IL5RA: variants seen among roughly 807,000 people sequenced by gnomAD.
The protein encoded by IL5RA is interleukin 5 receptor subunit alpha.
IL5RA carries 49 observed loss-of-function variants against 50.0 expected under a neutral mutation model. The observed-to-expected ratio is 0.98, with a 90% CI of 0.78 to 1.24. IL5RA has a LOEUF of 1.24. Among genes scored for constraint, IL5RA ranks in the 50% most tolerant of loss-of-function variants. The probability of loss-of-function intolerance (pLI) is 0.00; values close to 1 mark genes in which losing one functional copy is unlikely to be tolerated. For synonymous variants in IL5RA, 202 were observed against 174.0 expected (o/e 1.16, Z -1.26); for missense variants, 600 against 500.4 (o/e 1.20, Z -1.90).
At chr3:3,105,993 G>T (rs529008327) in intron 2 of IL5RA, among the ~76,000 whole-genome samples, 2 of 152,180 alleles carry the variant, frequency 1.3e-5, no homozygotes, top group South Asian at 2.1e-4. Flanking sequence ...CTCTTACCAC[G>T]TGCTCCCCCC....
At chr3:3,089,078 T>A (rs1310758325) in intron 9 of IL5RA, among the ~76,000 whole-genome samples, 6 of 152,000 alleles carry the variant, frequency 3.9e-5, no homozygotes, top group African/African-American at 1.5e-4. Context: ...GGTGGGGGCA[T>A]CAACCTAGGG....
At chr3:3,080,454 T>A (rs1702625361) in intron 9 of IL5RA, among the ~76,000 whole-genome samples, 1 of 152,192 alleles carries the variant, frequency 6.6e-6, no homozygotes, top group South Asian at 2.1e-4. Flanking sequence ...CATAGGAGCT[T>A]CGCTTCACTT....
intron 9 of IL5RA, among the ~76,000 whole-genome samples, chr3:3,084,140 T>C (rs970626575): frequency 6.6e-6 from 1 of 151,976 alleles, no homozygotes; most frequent in African/African-American, 2.4e-5. Flanking sequence ...CCAGCTTCTA[T>C]GTCCTGCATT....
chr3:3,109,832 T>C (rs1704101158), intron 1 of IL5RA, 113 bp downstream of exon 1: 2 of 152,078 alleles, frequency 1.3e-5, no homozygotes, highest in African/African-American at 4.8e-5. Flanking sequence ...CCACCCTGGG[T>C]GTAGTGAAAT....
intron 2 of IL5RA, among the ~76,000 whole-genome samples, chr3:3,107,249 A>AC (rs1491482538): frequency 6.7e-6 from 1 of 148,444 alleles, no homozygotes; most frequent in African/African-American, 2.5e-5. Context: ...AAAGAATGAC[A>AC]TTTTTTTTTT....
intron 9 of IL5RA, among the ~76,000 whole-genome samples, chr3:3,085,238 T>C (rs1480341209): frequency 6.6e-6 from 1 of 152,230 alleles, no homozygotes; most frequent in Non-Finnish European, 1.5e-5. Context: ...AGTGGGTCTT[T>C]CATGTTGTTA....
intron 9 of IL5RA, among the ~76,000 whole-genome samples, chr3:3,077,179 C>T (rs973160414): frequency 2.0e-5 from 3 of 152,190 alleles, no homozygotes; most frequent in Non-Finnish European, 4.4e-5. Flanking sequence ...TCCCATTTTA[C>T]AGACATGAAA....
At chr3:3,086,306 AGAG>A (rs1315004914) in intron 9 of IL5RA, among the ~76,000 whole-genome samples, 1 of 152,230 alleles carries the variant, frequency 6.6e-6, no homozygotes, top group Non-Finnish European at 1.5e-5. Context: ...GGCGGGAAGA[AGAG>A]AAGATGATGG....
intron 8 of IL5RA, among the ~76,000 whole-genome samples, chr3:3,094,602 C>T (rs893384530): frequency 4.6e-5 from 7 of 151,988 alleles, no homozygotes; most frequent in Non-Finnish European, 8.8e-5. Flanking sequence ...TCCTTGCTTT[C>T]GATTCTTTTG....
chr3:3,095,257 C>G (rs1185459210), intron 8 of IL5RA, 42 bp downstream of exon 8: 4 of 1,484,694 alleles, frequency 2.7e-6, no homozygotes, highest in South Asian at 1.2e-5. Context: ...GTTTCTAAAA[C>G]AAATGTCTGT....
At position 3,069,334 on chromosome 3, in the gene IL5RA, G is replaced by A. The variant is rs1702223261; in HGVS notation, c.*891C>T. 1 of 152,216 alleles carries A rather than the reference G, an allele frequency of 6.6e-6. No homozygotes were observed. The highest frequency in any genetic ancestry group is 2.4e-5 in the African/African-American group (1 of 41,442). The allele number at this position is 152,216 out of a possible 1,614,324, so 9.4% of individuals were successfully genotyped here. On this transcript the variant is annotated 3_prime_UTR_variant, in exon 12 of 12. Coordinates refer to ENST00000446632, the MANE Select transcript of IL5RA (RefSeq NM_175726.4). ...GCCTTGTAGAAACTTTTCCAAACTTGAGAGACTAGGATTGATCTGGCATTA... is the reference window on the plus strand; with the variant it reads ...GCCTTGTAGAAACTTTTCCAAACTTAAGAGACTAGGATTGATCTGGCATTA...
In IL5RA at chr3:3,092,249, A is replaced by C. The variant is rs891382646; in HGVS notation, c.969T>G (p.Ser323Arg). The C allele has an allele frequency of 6.2e-7, 1 of 1,613,666 alleles. No individual in the cohort carries two copies. The highest frequency in any genetic ancestry group is 1.3e-5 in the African/African-American group (1 of 74,908). The change falls in exon 9 of 12, where the codon AGT becomes AGG. Residue 323 changes from serine to arginine, a missense_variant. Ser to Arg is a moderately radical substitution (Grantham distance 110). Coordinates refer to ENST00000446632, the MANE Select transcript of IL5RA (RefSeq NM_175726.4). The surrounding 1 kb of genome is among the most constrained non-coding windows in gnomAD (Gnocchi z 4.2). ...CCACATAAATAGGTTGGCTCCACTC[A>C]CTCCAGAGCCCTGCCTCTCTGCACA... ...SSMCREAGLWSEWSQPIYVGN... is the reference protein window; with the variant it reads ...SSMCREAGLWREWSQPIYVGN...
At chr3:3,091,551 G>T (rs1441138329) in intron 9 of IL5RA, among the ~76,000 whole-genome samples, 3 of 152,190 alleles carry the variant, frequency 2.0e-5, no homozygotes, top group African/African-American at 7.2e-5. Context: ...GACCAACGTG[G>T]TGAAACCCTG....
intron 9 of IL5RA, among the ~76,000 whole-genome samples, chr3:3,081,522 G>A (rs557835987): frequency 6.6e-6 from 1 of 152,178 alleles, no homozygotes. Flanking sequence ...GAAAGAAGGG[G>A]CAGTGTTGTA....
chr3:3,092,416 G>C lies in IL5RA; in HGVS notation c.856-54C>G. The C allele has an allele frequency of 1.3e-6, 2 of 1,556,730 alleles. No individual in the cohort carries two copies. Among genetic ancestry groups the C allele is most frequent in the South Asian group, 2.3e-5 (2 of 88,414 alleles). ...ATCTCTAGACACCTAATTTAGTTCTGCCGATTATCAGAATGGGAGGTCCTA... is the reference window on the plus strand; with the variant it reads ...ATCTCTAGACACCTAATTTAGTTCTCCCGATTATCAGAATGGGAGGTCCTA... On this transcript the variant is annotated intron_variant, in intron 8 of 11. Coordinates refer to ENST00000446632, the MANE Select transcript of IL5RA (RefSeq NM_175726.4). The surrounding 1 kb of genome is among the most constrained non-coding windows in gnomAD (Gnocchi z 4.2).
chr3:3,078,618 G>A (rs541570087), intron 9 of IL5RA, among the ~76,000 whole-genome samples: 2 of 152,312 alleles, frequency 1.3e-5, no homozygotes, highest in South Asian at 4.1e-4. Flanking sequence ...TGGATCACTT[G>A]AGGTCAGGAG....
chr3:3,092,385 A>G lies in IL5RA; in HGVS notation c.856-23T>C. 6.2e-7 allele frequency: 1 copy of G among 1,609,114 alleles called. No individual in the cohort carries two copies. ...TATCTAAGTGGGGAAAGATAGCATT[A>G]GAAGAATCTCTAGACACCTAATTTA... is the stretch of plus-strand genomic sequence containing the variant. On this transcript the variant is annotated intron_variant, in intron 8 of 11. Transcript: ENST00000446632. The surrounding 1 kb of genome is among the most constrained non-coding windows in gnomAD (Gnocchi z 4.2).
intron 9 of IL5RA, among the ~76,000 whole-genome samples, chr3:3,078,769 G>A (rs1702568479): frequency 6.6e-6 from 1 of 151,926 alleles, no homozygotes; most frequent in Admixed American, 6.6e-5. Flanking sequence ...GGGAAGTGGA[G>A]GTTGTGGTGA....
At chr3:3,099,130 A>G (rs962828571) in intron 5 of IL5RA, among the ~76,000 whole-genome samples, 9 of 152,214 alleles carry the variant, frequency 5.9e-5, no homozygotes, top group Non-Finnish European at 1.2e-4. Context: ...ACAACACTGC[A>G]AGATTGCAGA....
Sources: gnomAD v4.1 joint callset for allele counts (sites outside exome capture counted in the v4.1 genomes callset) on GRCh38, gnomAD v4.1.1 for gene constraint, Gnocchi (gnomAD v3.1) non-coding constraint, MANE v1.5 for transcripts, NCBI Gene and HGNC (gene_info 2026-07-23, HGNC 2026-07-21) for gene names.